Variants in RASA3 observed in about 807,000 individuals in gnomAD.
RASA3 encodes the protein RAS p21 protein activator 3.
A neutral mutation model predicts 110.0 loss-of-function variants in RASA3; 73 were observed. That is an observed-to-expected ratio of 0.66 (90% confidence interval 0.55 to 0.81). The LOEUF (loss-of-function observed/expected upper bound fraction) is 0.81. RASA3 is among the 30% of genes least tolerant of loss of function. The probability of loss-of-function intolerance (pLI) is 0.00; values close to 1 mark genes in which losing one functional copy is unlikely to be tolerated. For synonymous variants in RASA3, 500 were observed against 451.4 expected (o/e 1.11, Z -1.37); for missense variants, 976 against 1,113.2 (o/e 0.88, Z 1.75).
chr13:114,070,223 G>A (rs2079547814), intron 2 of RASA3, among the ~76,000 whole-genome samples: 1 of 143,200 alleles, frequency 7.0e-6, no homozygotes, highest in Non-Finnish European at 1.5e-5. Flanking sequence ...GAGACTCGGG[G>A]GATGGGAGAC....
intron 15 of RASA3, 26 bp downstream of exon 15, chr13:114,013,116 C>A (rs1157013722): frequency 6.3e-7 from 1 of 1,596,074 alleles, no homozygotes. Context: ...GCTCAGAAAG[C>A]CTCGGTCCCT....
At chr13:114,119,200 T>G (rs1270304374) in intron 1 of RASA3, among the ~76,000 whole-genome samples, 1 of 152,068 alleles carries the variant, frequency 6.6e-6, no homozygotes, top group African/African-American at 2.4e-5. Context: ...TTAGCAAAAA[T>G]GTAGTGAGAA....
chr13:114,042,355 C>T (rs973610577), intron 3 of RASA3, among the ~76,000 whole-genome samples: 5 of 152,250 alleles, frequency 3.3e-5, no homozygotes, highest in African/African-American at 1.2e-4. Context: ...TTGACCGATG[C>T]ACGTGAACTC....
chr13:114,043,467 C>G (rs905771627), intron 3 of RASA3, among the ~76,000 whole-genome samples: 2 of 152,126 alleles, frequency 1.3e-5, no homozygotes, highest in Non-Finnish European at 2.9e-5. Context: ...CCGGGACCCC[C>G]GCTCACAGCC....
At chr13:114,054,792 G>A (rs1391086086) in intron 2 of RASA3, among the ~76,000 whole-genome samples, 1 of 152,258 alleles carries the variant, frequency 6.6e-6, no homozygotes, top group South Asian at 2.1e-4. Context: ...GCAGCATCCT[G>A]GTTAATGAAG....
chr13:114,065,909 G>A lies in RASA3; in HGVS notation c.173+7811C>T, dbSNP rs1178425173. On this transcript the variant is annotated intron_variant, in intron 2 of 23. Coordinates refer to ENST00000334062, the MANE Select transcript of RASA3 (RefSeq NM_007368.4). The surrounding 1 kb of genome is among the most constrained non-coding windows in gnomAD (Gnocchi z 4.1). ...TGTGAGTCTTCAAACGGAACCCAAA[G>A]ACTCAGTGAGGAAAGCAGGCGGGCT... Among the ~76,000 whole-genome samples, 2 of 152,228 alleles carry A rather than the reference G, an allele frequency of 1.3e-5. No homozygotes were observed. The highest frequency in any genetic ancestry group is 4.8e-5 in the African/African-American group (2 of 41,454).
rs561740415 is a variant in RASA3, at chr13:114,061,558, T to C, written c.174-9403A>G. Among the ~76,000 whole-genome samples, 686 of 149,148 alleles carry C rather than the reference T, an allele frequency of 4.6e-3. 5 individuals are homozygous for C. The highest frequency in any genetic ancestry group is 8.5e-3 in the Admixed American group (127 of 14,904). ...TGGGCATGGCGGCAGGCGCCTGTAA[T>C]CCCAGCTACTCAGGAGGCTGAGGCA... On this transcript the variant is annotated intron_variant, in intron 2 of 23. Coordinates refer to ENST00000334062, the MANE Select transcript of RASA3 (RefSeq NM_007368.4).
chr13:114,010,960 A>G (rs937653200), intron 16 of RASA3, among the ~76,000 whole-genome samples: 2 of 151,628 alleles, frequency 1.3e-5, no homozygotes, highest in African/African-American at 2.4e-5. Flanking sequence ...CAGGCTCCCG[A>G]AAAAGGCAAG....
intron 1 of RASA3, among the ~76,000 whole-genome samples, chr13:114,078,615 C>T (rs2079731179): frequency 6.6e-6 from 1 of 152,202 alleles, no homozygotes; most frequent in Admixed American, 6.5e-5. Context: ...TAAAAGGCAG[C>T]ACTTAAACAC....
intron 2 of RASA3, among the ~76,000 whole-genome samples, chr13:114,062,291 C>T (rs1566541341): frequency 6.6e-6 from 1 of 151,450 alleles, no homozygotes; most frequent in East Asian, 1.9e-4. Flanking sequence ...CAACAAATTG[C>T]TTTTTTTTAA....
intron 1 of RASA3, among the ~76,000 whole-genome samples, chr13:114,076,461 A>T (rs1170136285): frequency 6.6e-6 from 1 of 152,086 alleles, no homozygotes; most frequent in Non-Finnish European, 1.5e-5. Flanking sequence ...AGGCTTTCCG[A>T]AGGCTCCCAC....
intron 1 of RASA3, among the ~76,000 whole-genome samples, chr13:114,105,476 C>T (rs1302002099): frequency 6.6e-6 from 1 of 152,214 alleles, no homozygotes; most frequent in African/African-American, 2.4e-5. Context: ...GGGAAAAGGG[C>T]TCAGGAGGCC....
At chr13:114,030,507 G>A (rs1442184863) in intron 4 of RASA3, among the ~76,000 whole-genome samples, 1 of 117,744 alleles carries the variant, frequency 8.5e-6, no homozygotes, top group Non-Finnish European at 2.0e-5. Context: ...CAGAGGGCAA[G>A]ACTCACACAG....
intron 1 of RASA3, among the ~76,000 whole-genome samples, chr13:114,102,152 T>A (rs2080068288): frequency 1.3e-5 from 2 of 151,872 alleles, no homozygotes; most frequent in South Asian, 4.2e-4. Context: ...TTAAAAAGAG[T>A]GTCTTCTTCC....
chr13:113,980,558 G>T (rs75669176), intron 23 of RASA3, among the ~76,000 whole-genome samples: 4,475 of 152,356 alleles, frequency 0.029, 96 homozygotes, highest in South Asian at 0.06. Flanking sequence ...CATGCTTCGC[G>T]CATTTTCAAC....
intron 1 of RASA3, among the ~76,000 whole-genome samples, chr13:114,121,792 A>C (rs969560321): frequency 1.3e-5 from 2 of 152,190 alleles, no homozygotes; most frequent in African/African-American, 4.8e-5. Flanking sequence ...TGTACAGTGA[A>C]TGAGATACTA....
Position 114,048,828 on chromosome 13 carries a change from C to G in RASA3, c.277+3224G>C, listed in dbSNP as rs936829296. ...CCGCCGACACTGGACACTTCTCCTG[C>G]TCCTGCTGTGGCGGGAGCTGACTGC... is the stretch of plus-strand genomic sequence containing the variant. On this transcript the variant is annotated intron_variant, in intron 3 of 23. Transcript: ENST00000334062. The surrounding 1 kb of genome is among the most constrained non-coding windows in gnomAD (Gnocchi z 4.3). 2.2e-4 allele frequency among the ~76,000 whole-genome samples: 34 copies of G among 152,256 alleles called. No individual in the cohort carries two copies. The highest frequency in any genetic ancestry group is 7.7e-4 in the African/African-American group (32 of 41,570).
intron 1 of RASA3, among the ~76,000 whole-genome samples, chr13:114,082,355 G>A (rs146441494): frequency 1.1e-4 from 16 of 152,324 alleles, no homozygotes; most frequent in Admixed American, 2.6e-4. Flanking sequence ...CACACATATC[G>A]GCTGCACCTT....
chr13:113,984,472 G>A (rs1341331555), intron 22 of RASA3, among the ~76,000 whole-genome samples: 4 of 36,706 alleles, frequency 1.1e-4, no homozygotes, highest in African/African-American at 2.6e-4. Context: ...TCACCCATCC[G>A]TCCATCCACC....
Sources: gnomAD v4.1 joint callset for allele counts (sites outside exome capture counted in the v4.1 genomes callset) on GRCh38, gnomAD v4.1.1 for gene constraint, Gnocchi (gnomAD v3.1) non-coding constraint, MANE v1.5 for transcripts, NCBI Gene and HGNC (gene_info 2026-07-23, HGNC 2026-07-21) for gene names.